LMO7: variants seen among roughly 807,000 people sequenced by gnomAD.
LMO7 encodes the protein LIM domain only protein 7.
In LMO7, 120 loss-of-function variants were observed where a neutral mutation model predicts 206.5. That is an observed-to-expected ratio of 0.58 (90% CI 0.50 to 0.68). The LOEUF (loss-of-function observed/expected upper bound fraction) is 0.68. Among genes scored for constraint, LMO7 ranks in the 30% least tolerant of loss-of-function variants. The pLI is 0.00. For synonymous variants in LMO7, 706 were observed against 681.5 expected (o/e 1.04, Z -0.56); for missense variants, 1,959 against 1,957.9 (o/e 1.00, Z -0.01).
chr13:75,835,308 C>T lies in LMO7; in HGVS notation c.3302C>T (p.Thr1101Ile). The T allele has an allele frequency of 6.2e-7, 1 of 1,606,008 alleles. No individual in the cohort carries two copies. Among genetic ancestry groups the T allele is most frequent in the Non-Finnish European group, 8.5e-7 (1 of 1,176,148 alleles). The stretch of plus-strand genomic sequence containing the variant: ...GAAAAATCTTCAAATCTATCTGTAA[C>T]AACTGATTTCTCCGAAAGCCTTCAG... ...NSEKSSNLSVTTDFSESLQSS... is the reference protein window; with the variant it reads ...NSEKSSNLSVITDFSESLQSS... Residue 1101 changes from threonine (T) to isoleucine (I), a missense_variant, in exon 18 of 31, where the codon ACA becomes ATA. By Grantham distance (89) the Thr-to-Ile change is moderately conservative. Transcript: ENST00000377534.
chr13:75,848,248 A>G (rs566477913), intron 26 of LMO7, among the ~76,000 whole-genome samples: 6 of 152,110 alleles, frequency 3.9e-5, no homozygotes, highest in Non-Finnish European at 1.5e-5. Flanking sequence ...CACAAAGTCC[A>G]TTGTGTCATT....
At chr13:75,751,148 TC>T (rs1168628484) in intron 3 of LMO7, among the ~76,000 whole-genome samples, 3 of 103,052 alleles carry the variant, frequency 2.9e-5, no homozygotes, top group Non-Finnish European at 5.7e-5. Context: ...TTTTTTCAGC[TC>T]TTTTTTTTTT....
intron 11 of LMO7, among the ~76,000 whole-genome samples, chr13:75,809,387 A>G (rs140605969): frequency 6.6e-6 from 1 of 152,216 alleles, no homozygotes; most frequent in African/African-American, 2.4e-5. Flanking sequence ...TATTTGTTTT[A>G]TTAAAAATTT....
At chr13:75,844,406 TG>T (rs1401855269) in intron 25 of LMO7, among the ~76,000 whole-genome samples, 3 of 151,024 alleles carry the variant, frequency 2.0e-5, no homozygotes, top group Admixed American at 2.0e-4. Context: ...CTTTTTCTTT[TG>T]TTTTTTTCTT....
chr13:75,711,003 C>G (rs1469468554), intron 1 of LMO7, among the ~76,000 whole-genome samples: 2 of 152,022 alleles, frequency 1.3e-5, no homozygotes, highest in Non-Finnish European at 2.9e-5. Flanking sequence ...GAGTTTTTAG[C>G]ATGAAGCGTT....
rs2061154041 is a variant in LMO7 at position 75,859,283 on chromosome 13, GTAA to G, written c.*1345_*1347del. The stretch of plus-strand genomic sequence containing the variant: ...AGTACTTATTCTGATTATTATTAAA[GTAA>G]TAATGTGTTCCTTGAGGATAACTTG... On this transcript the variant is annotated 3_prime_UTR_variant, in exon 31 of 31. Transcript: ENST00000377534. 1 of 152,156 alleles carries G rather than the reference GTAA, an allele frequency of 6.6e-6. No individual in the cohort carries two copies. The highest frequency in any genetic ancestry group is 1.5e-5 in the Non-Finnish European group (1 of 68,018). The allele number at this position is 152,156 out of a possible 1,614,324, so 9.4% of individuals were successfully genotyped here. A position where few individuals can be genotyped will look rare whatever the true frequency, so the allele number is the denominator to read the frequency against.
At chr13:75,835,026 C>A in intron 17 of LMO7, 1 of 505,312 alleles carries the variant, frequency 2.0e-6, no homozygotes, top group Non-Finnish European at 3.1e-6. Context: ...TGATTTATTT[C>A]ACACGCTGCC....
At chr13:75,751,608 G>T (rs565791120) in intron 3 of LMO7, among the ~76,000 whole-genome samples, 1 of 152,292 alleles carries the variant, frequency 6.6e-6, no homozygotes, top group East Asian at 1.9e-4. Flanking sequence ...TTTAAGCTTT[G>T]TAAGGCCTTT....
chr13:75,633,236 T>C (rs1324559735), upstream of LMO7, among the ~76,000 whole-genome samples: 1 of 152,192 alleles, frequency 6.6e-6, no homozygotes, highest in Non-Finnish European at 1.5e-5. Flanking sequence ...CATTTTCTTT[T>C]GGGGTTTGGC....
chr13:75,654,705 A>G (rs771940149), intron 1 of LMO7, among the ~76,000 whole-genome samples: 1 of 152,140 alleles, frequency 6.6e-6, no homozygotes, highest in Non-Finnish European at 1.5e-5. Context: ...TTCCTTACTT[A>G]ACATTATTAC....
chr13:75,636,727 G>C lies in LMO7; in HGVS notation c.69+1G>C. Reference sequence around the variant, plus strand: ...CGCTGAGGCTCAGAGATGGGTGGAGGTGAGTGCCTTTCACTGCTTTCCCTT... The same window carrying C: ...CGCTGAGGCTCAGAGATGGGTGGAGCTGAGTGCCTTTCACTGCTTTCCCTT... On this transcript the variant is annotated splice_donor_variant, in intron 1 of 30. Coordinates refer to ENST00000377534, the MANE Select transcript of LMO7 (RefSeq NM_001306080.2). LOFTEE classifies it high-confidence loss of function. 1 of 1,605,512 alleles carries C rather than the reference G, an allele frequency of 6.2e-7. No homozygotes were observed. Among genetic ancestry groups the C allele is most frequent in the Non-Finnish European group, 8.5e-7 (1 of 1,176,688 alleles).
intron 3 of LMO7, among the ~76,000 whole-genome samples, chr13:75,731,563 T>C (rs2138791955): frequency 6.6e-6 from 1 of 152,308 alleles, no homozygotes; most frequent in Middle Eastern, 3.4e-3. Context: ...AGCACACTGA[T>C]GGGTCTTGAC....
chr13:75,785,700 G>A (rs1232858613), intron 4 of LMO7, among the ~76,000 whole-genome samples: 2 of 152,142 alleles, frequency 1.3e-5, no homozygotes, highest in Admixed American at 6.5e-5. Context: ...TTTTAAAAAT[G>A]TTTTGACCTT....
At chr13:75,690,766 G>C (rs2041401898) in intron 1 of LMO7, among the ~76,000 whole-genome samples, 1 of 152,124 alleles carries the variant, frequency 6.6e-6, no homozygotes, top group Non-Finnish European at 1.5e-5. Flanking sequence ...TTTAAGGTGT[G>C]GTTTTCAATA....
At chr13:75,676,672 TCGTTTCACTAGCTAA>T (rs1469402003) in intron 1 of LMO7, among the ~76,000 whole-genome samples, 5 of 152,356 alleles carry the variant, frequency 3.3e-5, no homozygotes, top group East Asian at 3.9e-4. Flanking sequence ...AATTCAAACC[TCGTTTCACTAGCTAA>T]CAAAGATGAG....
intron 14 of LMO7, 115 bp downstream of exon 14, chr13:75,821,724 G>A: frequency 6.2e-6 from 4 of 640,262 alleles, no homozygotes; most frequent in South Asian, 4.6e-5. Context: ...ACATATATAA[G>A]GACATTTTAT....
Position 75,849,093 on chromosome 13 carries a change from T to G in LMO7, c.4165T>G (p.Leu1389Val). ...TTTTAATTTAGGAAACAATAAATAT[T>G]TAGACCAAATTGGGAACATGACCTC... is the stretch of plus-strand genomic sequence containing the variant. The part of the protein sequence containing the change: ...STNKNGNNKY[L>V]DQIGNMTSSQ... Residue 1389 changes from leucine (L) to valine (V), a missense_variant, in exon 27 of 31, where the codon TTA becomes GTA. Leu to Val is a conservative substitution (Grantham distance 32, BLOSUM62 1). Transcript: ENST00000377534. 2 of 1,599,902 alleles carry G rather than the reference T, an allele frequency of 1.3e-6. No homozygotes were observed. Among genetic ancestry groups the G allele is most frequent in the South Asian group, 2.2e-5 (2 of 90,624 alleles).
At chr13:75,679,368 C>T (rs571601409) in intron 1 of LMO7, among the ~76,000 whole-genome samples, 1 of 152,282 alleles carries the variant, frequency 6.6e-6, no homozygotes, top group Non-Finnish European at 1.5e-5. Flanking sequence ...CAGAAGGTGC[C>T]TATACTTCTG....
intron 11 of LMO7, among the ~76,000 whole-genome samples, chr13:75,812,118 T>C (rs628561): frequency 0.99 from 151,187 of 152,268 alleles, 75,066 homozygotes; most frequent in East Asian, 1. Flanking sequence ...GGGGTGTGTG[T>C]GCTACTGGCA....
Sources: gnomAD v4.1 joint callset for allele counts (sites outside exome capture counted in the v4.1 genomes callset) on GRCh38, gnomAD v4.1.1 for gene constraint, MANE v1.5 for transcripts, NCBI Gene and HGNC (gene_info 2026-07-23, HGNC 2026-07-21) for gene names.